The following CSMD1 variants were observed in gnomAD, a reference collection of about 807,000 sequenced individuals.
CSMD1 encodes the protein CUB and Sushi multiple domains 1.
In CSMD1, 213 loss-of-function variants were observed where a neutral mutation model predicts 417.5. That is an observed-to-expected ratio of 0.51 (90% CI 0.46 to 0.57). The LOEUF is 0.57. Ranked by LOEUF, CSMD1 falls within the 20% of genes least tolerant of loss-of-function variation. The pLI, the probability that CSMD1 is intolerant of heterozygous loss-of-function variation, is 0.00. For synonymous variants in CSMD1, 2,862 were observed against 1,736.8 expected (o/e 1.65, Z -16.11); for missense variants, 6,923 against 4,529.7 (o/e 1.53, Z -15.17).
At chr8:3,455,490 G>C (rs58936282) in intron 12 of CSMD1, among the ~76,000 whole-genome samples, 14,913 of 152,154 alleles carry the variant, frequency 0.098, 875 homozygotes, top group East Asian at 0.25. Flanking sequence ...ATGGGGTTTT[G>C]GTGTGGATGT....
intron 26 of CSMD1, among the ~76,000 whole-genome samples, chr8:3,275,827 C>A (rs1802243472): frequency 6.6e-6 from 1 of 152,014 alleles, no homozygotes; most frequent in Non-Finnish European, 1.5e-5. Context: ...GTTATACATT[C>A]TTCTAAACTT....
chr8:4,928,732 G>C (rs1424045392), intron 1 of CSMD1, among the ~76,000 whole-genome samples: 1 of 152,040 alleles, frequency 6.6e-6, no homozygotes, highest in Non-Finnish European at 1.5e-5. Context: ...CAGTGCCTCA[G>C]AATAGGATTT....
At chr8:3,213,857 C>CACAT (rs1554469282) in intron 30 of CSMD1, among the ~76,000 whole-genome samples, 2 of 146,112 alleles carry the variant, frequency 1.4e-5, no homozygotes, top group Non-Finnish European at 3.0e-5. Context: ...TATACATACA[C>CACAT]ATATATATAT....
chr8:4,353,642 C>T (rs532230842), intron 3 of CSMD1, among the ~76,000 whole-genome samples: 10 of 152,024 alleles, frequency 6.6e-5, no homozygotes, highest in Non-Finnish European at 1.0e-4. Context: ...ACGGGACAGG[C>T]TAAACCTTCT....
At chr8:3,376,796 T>A (rs1219377348) in intron 18 of CSMD1, among the ~76,000 whole-genome samples, 1 of 152,068 alleles carries the variant, frequency 6.6e-6, no homozygotes, top group East Asian at 1.9e-4. Context: ...TATAATTATT[T>A]TTTTTTCTTT....
intron 3 of CSMD1, among the ~76,000 whole-genome samples, chr8:4,409,182 T>A (rs1796508043): frequency 1.3e-5 from 2 of 152,194 alleles, no homozygotes; most frequent in African/African-American, 2.4e-5. Context: ...GGGAGATTTT[T>A]AAAAAATTAT....
At chr8:4,010,075 A>C (rs1348552920) in intron 4 of CSMD1, among the ~76,000 whole-genome samples, 7 of 152,170 alleles carry the variant, frequency 4.6e-5, no homozygotes, top group African/African-American at 1.7e-4. Context: ...AATTTCCTAC[A>C]TTCCAACTAC....
chr8:4,820,231 T>G (rs1373113740), intron 1 of CSMD1, among the ~76,000 whole-genome samples: 1 of 152,142 alleles, frequency 6.6e-6, no homozygotes, highest in Non-Finnish European at 1.5e-5. Flanking sequence ...ATTATTGAAT[T>G]GTAGCGGTGA....
chr8:4,321,327 G>A (rs1227169534), intron 3 of CSMD1, among the ~76,000 whole-genome samples: 1 of 152,022 alleles, frequency 6.6e-6, no homozygotes, highest in African/African-American at 2.4e-5. Context: ...CTCCTGAAAT[G>A]GCCATACGTC....
chr8:4,214,750 A>T (rs894581069), intron 3 of CSMD1, among the ~76,000 whole-genome samples: 4 of 152,178 alleles, frequency 2.6e-5, no homozygotes, highest in African/African-American at 9.7e-5. Context: ...CCCATATTTG[A>T]CATATTTCCT....
chr8:4,157,454 T>TC lies in CSMD1; in HGVS notation c.416-125356dup, dbSNP rs370317755. 1.9e-4 allele frequency among the ~76,000 whole-genome samples: 29 copies of TC among 152,092 alleles called. 1 individual carries two copies. Among genetic ancestry groups the TC allele is most frequent in the Non-Finnish European group, 2.9e-5 (2 of 68,016 alleles). On this transcript the variant is annotated intron_variant, in intron 3 of 69. Transcript: ENST00000635120. ...CTCTATTTTCCCCTACCTCCTTCCC[T>TC]CCCTCCTTCACTTCCTTCCTTCCTT...
intron 12 of CSMD1, among the ~76,000 whole-genome samples, chr8:3,411,004 G>A (rs1000462246): frequency 6.6e-6 from 1 of 152,194 alleles, no homozygotes; most frequent in African/African-American, 2.4e-5. Flanking sequence ...TGATCCCAGT[G>A]TGCCGGGCAG....
intron 3 of CSMD1, among the ~76,000 whole-genome samples, chr8:4,056,519 C>T (rs1485214604): frequency 1.3e-5 from 2 of 150,498 alleles, no homozygotes; most frequent in Non-Finnish European, 2.9e-5. Context: ...CTAAGGAAAG[C>T]ATTTAATTTC....
At chr8:3,409,292 A>G (rs1483705561) in intron 13 of CSMD1, 131 bp downstream of exon 13, 1 of 738,168 alleles carries the variant, frequency 1.4e-6, no homozygotes, top group Non-Finnish European at 2.0e-6. Context: ...GCACGTTTCC[A>G]GTAAATGTGG....
At chr8:3,203,123 T>C (rs942093218) in intron 31 of CSMD1, among the ~76,000 whole-genome samples, 4 of 152,158 alleles carry the variant, frequency 2.6e-5, no homozygotes, top group African/African-American at 7.2e-5. Flanking sequence ...ATCCACCTCA[T>C]ACTAGAAACT....
At chr8:4,927,040 C>T (rs1239146871) in intron 1 of CSMD1, among the ~76,000 whole-genome samples, 2 of 151,360 alleles carry the variant, frequency 1.3e-5, no homozygotes, top group Non-Finnish European at 2.9e-5. Flanking sequence ...CATGCTTCAG[C>T]ATTCCTTTTA....
intron 3 of CSMD1, among the ~76,000 whole-genome samples, chr8:4,176,358 G>C (rs917487639): frequency 6.6e-6 from 1 of 151,948 alleles, no homozygotes; most frequent in Admixed American, 6.6e-5. Context: ...AAATTAGTAT[G>C]ACAACAATCT....
At chr8:3,950,700 C>A (rs575688121) in intron 5 of CSMD1, among the ~76,000 whole-genome samples, 1 of 152,094 alleles carries the variant, frequency 6.6e-6, no homozygotes, top group African/African-American at 2.4e-5. Context: ...TTATGGAGCA[C>A]AGGATAAAAC....
chr8:4,348,240 T>C (rs1291327436), intron 3 of CSMD1, among the ~76,000 whole-genome samples: 3 of 152,226 alleles, frequency 2.0e-5, no homozygotes, highest in Non-Finnish European at 4.4e-5. Context: ...TACTAAGTGC[T>C]CTTGACTATC....
Sources: allele counts gnomAD v4.1 joint callset (sites outside exome capture counted in the v4.1 genomes callset), GRCh38; gene constraint gnomAD v4.1.1; transcripts MANE v1.5; gene names NCBI Gene and HGNC (gene_info 2026-07-23, HGNC 2026-07-21).